JAKMIP1: variants seen among roughly 807,000 people sequenced by gnomAD.
JAKMIP1 encodes janus kinase and microtubule-interacting protein 1.
A neutral mutation model predicts 113.0 loss-of-function variants in JAKMIP1; 33 were observed. That is an observed-to-expected ratio of 0.29 (90% CI 0.22 to 0.39). The LOEUF is 0.39. JAKMIP1 is among the 10% of genes least tolerant of loss of function. JAKMIP1 has a pLI of 1.00. For missense variants in JAKMIP1, 813 were observed against 1,080.5 expected (o/e 0.75, Z 3.47); for synonymous variants, 480 against 459.9 (o/e 1.04, Z -0.56).
At chr4:6,123,556 C>G (rs1042727596) in intron 1 of JAKMIP1, among the ~76,000 whole-genome samples, 1 of 152,196 alleles carries the variant, frequency 6.6e-6, no homozygotes, top group Non-Finnish European at 1.5e-5. Context: ...CATGGTGGCT[C>G]AAGCCTCTAA....
At position 6,115,844 on chromosome 4, in the gene JAKMIP1, G is replaced by A. The variant is rs559344375; in HGVS notation, c.-147-2847C>T. 1.2e-4 allele frequency among the ~76,000 whole-genome samples: 18 copies of A among 152,292 alleles called. No homozygotes were observed. The South Asian group carries it at 3.1e-3, about 26-fold the overall frequency. On this transcript the variant is annotated intron_variant, in intron 1 of 20. Transcript: ENST00000409021. Reference sequence around the variant, plus strand: ...ACCGGCCTCGCAGGCAGGATGGGGCGGCTGCAGGTCTGCCAACTCTTTGGG... The same window carrying A: ...ACCGGCCTCGCAGGCAGGATGGGGCAGCTGCAGGTCTGCCAACTCTTTGGG...
intron 8 of JAKMIP1, among the ~76,000 whole-genome samples, chr4:6,077,243 T>C (rs1719808769): frequency 6.6e-6 from 1 of 151,852 alleles, no homozygotes; most frequent in South Asian, 2.1e-4. Context: ...CCAGCATGAG[T>C]GGTGGCTTTA....
At chr4:6,111,951 G>A (rs969521088) in intron 2 of JAKMIP1, among the ~76,000 whole-genome samples, 1 of 152,196 alleles carries the variant, frequency 6.6e-6, no homozygotes, top group Non-Finnish European at 1.5e-5. Context: ...CTGACCATCT[G>A]AACGGATCCC....
At chr4:6,084,246 G>A (rs1327384138) in intron 5 of JAKMIP1, among the ~76,000 whole-genome samples, 1 of 151,590 alleles carries the variant, frequency 6.6e-6, no homozygotes, top group African/African-American at 2.4e-5. Flanking sequence ...GAACCCGGGA[G>A]GTGAAGGTTA....
At position 6,142,313 on chromosome 4, in the gene JAKMIP1, T is replaced by TA. The variant is rs1418811437; in HGVS notation, c.-147-29317dup. On this transcript the variant is annotated intron_variant, in intron 1 of 20. Transcript: ENST00000409021. The surrounding 1 kb of genome is among the most constrained non-coding windows in gnomAD (Gnocchi z 5.5). Reference sequence around the variant, plus strand: ...AGTTTCGAAGAGGCTCGTACCCATGTATGCCCGCACAGGCAGGGGAAAGGG... The same window carrying TA: ...AGTTTCGAAGAGGCTCGTACCCATGTAATGCCCGCACAGGCAGGGGAAAGGG... Among the ~76,000 whole-genome samples the TA allele has an allele frequency of 1.3e-5, 2 of 152,228 alleles. No individual in the cohort carries two copies. Among genetic ancestry groups the TA allele is most frequent in the East Asian group, 3.9e-4 (2 of 5,180 alleles).
intron 3 of JAKMIP1, 45 bp from the exon 4 acceptor site, chr4:6,085,674 C>A: frequency 6.4e-7 from 1 of 1,571,576 alleles, no homozygotes; most frequent in South Asian, 1.1e-5. Flanking sequence ...GGGCTCATGA[C>A]CAAGGAAATC....
chr4:6,065,107 G>A lies in JAKMIP1; in HGVS notation c.1303-99C>T, dbSNP rs1245077453. ...ATGCCAGTGCAGGGGGGTGATGATTGACATTTGGGCCACTGGGGCATCACA... is the reference window on the plus strand; with the variant it reads ...ATGCCAGTGCAGGGGGGTGATGATTAACATTTGGGCCACTGGGGCATCACA... On this transcript the variant is annotated intron_variant, in intron 8 of 20. Coordinates refer to ENST00000409021, the MANE Select transcript of JAKMIP1 (RefSeq NM_001099433.2). This position sits in a 1 kb window ranked among gnomAD's most constrained non-coding sequence, Gnocchi z 5.1. 3 of 1,454,932 alleles carry A rather than the reference G, an allele frequency of 2.1e-6. No individual in the cohort carries two copies. Among genetic ancestry groups the A allele is most frequent in the Non-Finnish European group, 2.9e-6 (3 of 1,049,802 alleles). 90.1% of individuals were successfully genotyped at this position (1,454,932 alleles called of 1,614,324 possible). A position where few individuals can be genotyped will look rare whatever the true frequency, so the allele number is the denominator to read the frequency against.
chr4:6,028,042 G>C (rs893241406), intron 20 of JAKMIP1, among the ~76,000 whole-genome samples: 1 of 152,176 alleles, frequency 6.6e-6, no homozygotes, highest in African/African-American at 2.4e-5. Flanking sequence ...CAGAGACAGA[G>C]CACCATTCCT....
At chr4:6,152,193 A>C (rs1179123712) in intron 1 of JAKMIP1, among the ~76,000 whole-genome samples, 3 of 152,170 alleles carry the variant, frequency 2.0e-5, no homozygotes, top group Non-Finnish European at 4.4e-5. Context: ...AGTCAAATCA[A>C]CTCGGAATAA....
chr4:6,114,417 G>A lies in JAKMIP1; in HGVS notation c.-147-1420C>T, dbSNP rs555786160. Among the ~76,000 whole-genome samples the A allele has an allele frequency of 3.9e-5, 6 of 152,314 alleles. No homozygotes were observed. The East Asian group carries it at 1.2e-3, about 29-fold the overall frequency. ...CCATGTGACCTCAGCCTATGGACAG[G>A]AGATGCAGAAAGTACAGGACAGGGG... On this transcript the variant is annotated intron_variant, in intron 1 of 20. Coordinates refer to ENST00000409021, the MANE Select transcript of JAKMIP1 (RefSeq NM_001099433.2).
At position 6,119,876 on chromosome 4, in the gene JAKMIP1, G is replaced by A. The variant is rs777051554; in HGVS notation, c.-147-6879C>T. On this transcript the variant is annotated intron_variant, in intron 1 of 20. Transcript: ENST00000409021. ...TTGGATGACCCGGTGGCAGCCATGGGCTTTCCAACCCAGGTCTCCTGCCTC... is the reference window on the plus strand; with the variant it reads ...TTGGATGACCCGGTGGCAGCCATGGACTTTCCAACCCAGGTCTCCTGCCTC... 4.1e-4 allele frequency among the ~76,000 whole-genome samples: 63 copies of A among 152,192 alleles called. 3 individuals carry two copies. The highest frequency in any genetic ancestry group is 1.3e-4 in the Non-Finnish European group (9 of 68,044).
intron 1 of JAKMIP1, among the ~76,000 whole-genome samples, chr4:6,172,020 C>G (rs191214916): frequency 6.6e-6 from 1 of 152,194 alleles, no homozygotes; most frequent in East Asian, 1.9e-4. Context: ...AGCTCCCCCA[C>G]GTGATACCTG....
intron 1 of JAKMIP1, among the ~76,000 whole-genome samples, chr4:6,164,412 T>C (rs760679478): frequency 3.3e-5 from 5 of 152,226 alleles, no homozygotes; most frequent in Non-Finnish European, 7.4e-5. Context: ...TACAATGTTA[T>C]GGCTCATTGA....
intron 3 of JAKMIP1, among the ~76,000 whole-genome samples, chr4:6,105,005 C>T (rs548686027): frequency 6.6e-6 from 1 of 152,244 alleles, no homozygotes; most frequent in Non-Finnish European, 1.5e-5. Context: ...GGCTCTTTCC[C>T]CTTCCCTTTG....
At chr4:6,105,098 C>T (rs1268028838) in intron 3 of JAKMIP1, among the ~76,000 whole-genome samples, 1 of 152,232 alleles carries the variant, frequency 6.6e-6, no homozygotes, top group Non-Finnish European at 1.5e-5. Context: ...TTATATGTTT[C>T]CCTTGCTGTT....
In JAKMIP1 at chr4:6,085,557, T is replaced by C; in HGVS notation, c.697A>G (p.Thr233Ala). ...TCTTTCTGCAGAAGCAGCTTCTGGG[T>C]CTGCCCAGCCTGCACGCCAAGTTCC... ...EKELGVQAGQTQKLLLQKEAL... is the reference protein window; with the variant it reads ...EKELGVQAGQAQKLLLQKEAL... The change falls in exon 4 of 21, where the codon ACC becomes GCC. Residue 233 changes from threonine (T) to alanine (A), a missense_variant. By Grantham distance (58) the Thr-to-Ala change is moderately conservative. This residue lies in a region of JAKMIP1 where 540 missense variants were observed against 653.9 expected (regional missense o/e 0.83). Transcript: ENST00000409021. 1 of 1,614,216 alleles carries C rather than the reference T, an allele frequency of 6.2e-7. No individual in the cohort carries two copies. Among genetic ancestry groups the C allele is most frequent in the South Asian group, 1.1e-5 (1 of 91,070 alleles).
rs1031110942 is a variant in JAKMIP1 at position 6,051,658 on chromosome 4, G to T, written c.1807-979C>A. On this transcript the variant is annotated intron_variant, in intron 13 of 20. Coordinates refer to ENST00000409021, the MANE Select transcript of JAKMIP1 (RefSeq NM_001099433.2). This position sits in a 1 kb window ranked among gnomAD's most constrained non-coding sequence, Gnocchi z 5.0. The stretch of plus-strand genomic sequence containing the variant: ...ACCCCTGCCTTAGACTTACAGCAAA[G>T]CTCAATTAATTACTAAGGGAGGAAG... 1.3e-5 allele frequency among the ~76,000 whole-genome samples: 2 copies of T among 152,206 alleles called. No individual in the cohort carries two copies. The highest frequency in any genetic ancestry group is 2.9e-5 in the Non-Finnish European group (2 of 68,038).
intron 13 of JAKMIP1, among the ~76,000 whole-genome samples, chr4:6,052,243 C>T (rs1277489443): frequency 2.0e-5 from 3 of 151,676 alleles, no homozygotes; most frequent in Non-Finnish European, 4.4e-5. Flanking sequence ...AGCAAAAAAA[C>T]AAATTTCATG....
chr4:6,133,380 C>T (rs185718424), intron 1 of JAKMIP1, among the ~76,000 whole-genome samples: 18 of 152,198 alleles, frequency 1.2e-4, no homozygotes, highest in Non-Finnish European at 2.4e-4. Context: ...ACAAGTACTC[C>T]GTATTATTTA....
Sources: gnomAD v4.1 joint callset for allele counts (sites outside exome capture counted in the v4.1 genomes callset) on GRCh38, gnomAD v4.1.1 for gene constraint, gnomAD v4.1.1 regional missense constraint, Gnocchi (gnomAD v3.1) non-coding constraint, MANE v1.5 for transcripts, NCBI Gene and HGNC (gene_info 2026-07-23, HGNC 2026-07-21) for gene names.